PARD3: variants seen among roughly 807,000 people sequenced by gnomAD.
PARD3 encodes the protein par-3 family cell polarity regulator.
In PARD3, 75 loss-of-function variants were observed where a neutral mutation model predicts 155.4. That is an observed-to-expected ratio of 0.48 (90% CI 0.40 to 0.58). The LOEUF (loss-of-function observed/expected upper bound fraction) is 0.58, where lower values mean the gene tolerates loss of function less well. Among genes scored for constraint, PARD3 ranks in the 20% least tolerant of loss-of-function variants. The pLI is 0.00. For missense variants in PARD3, 1,642 were observed against 1,721.7 expected, an observed-to-expected ratio of 0.95 and a Z score of 0.82; for synonymous variants, 576 against 610.5, an observed-to-expected ratio of 0.94 and a Z score of 0.83.
chr10:34,464,066 C>G (rs903179979), intron 4 of PARD3, among the ~76,000 whole-genome samples: 8 of 151,676 alleles, frequency 5.3e-5, no homozygotes, highest in African/African-American at 1.9e-4. Flanking sequence ...CCTATTTGCT[C>G]TCCCTTAAAA....
At chr10:34,753,951 TATG>T (rs1279499463) in intron 1 of PARD3, among the ~76,000 whole-genome samples, 2 of 152,140 alleles carry the variant, frequency 1.3e-5, no homozygotes, top group Non-Finnish European at 2.9e-5. Context: ...AAGTGTTTTT[TATG>T]ATAACGTAGA....
intron 4 of PARD3, among the ~76,000 whole-genome samples, chr10:34,462,772 GA>G (rs2077732931): frequency 2.6e-5 from 4 of 151,570 alleles, no homozygotes; most frequent in Non-Finnish European, 5.9e-5. Flanking sequence ...CCATAAAGTT[GA>G]AACTGCAGTA....
intron 22 of PARD3, among the ~76,000 whole-genome samples, chr10:34,218,413 G>T (rs954148277): frequency 6.6e-6 from 1 of 152,130 alleles, no homozygotes; most frequent in African/African-American, 2.4e-5. Flanking sequence ...TGATCACCCT[G>T]AAGATGTGAG....
At chr10:34,426,501 T>C (rs1423211017) in intron 5 of PARD3, among the ~76,000 whole-genome samples, 2 of 152,210 alleles carry the variant, frequency 1.3e-5, no homozygotes, top group African/African-American at 4.8e-5. Context: ...TACAGTGCTA[T>C]AGAATCCACT....
intron 2 of PARD3, among the ~76,000 whole-genome samples, chr10:34,554,288 T>C (rs181268704): frequency 1.3e-5 from 2 of 152,306 alleles, no homozygotes; most frequent in East Asian, 3.9e-4. Flanking sequence ...TAAATGCCAA[T>C]TATTATTTAC....
chr10:34,245,281 C>T (rs553120191), intron 22 of PARD3, among the ~76,000 whole-genome samples: 3 of 152,130 alleles, frequency 2.0e-5, no homozygotes, highest in Non-Finnish European at 4.4e-5. Flanking sequence ...GCATACGTAA[C>T]GGGGGTAGGA....
intron 22 of PARD3, among the ~76,000 whole-genome samples, chr10:34,194,800 A>C (rs1471939188): frequency 6.6e-6 from 1 of 152,196 alleles, no homozygotes; most frequent in African/African-American, 2.4e-5. Flanking sequence ...ATAGTTAAAT[A>C]CTTAACAGTT....
At chr10:34,686,881 T>TC (rs1354423090) in intron 2 of PARD3, among the ~76,000 whole-genome samples, 1 of 151,876 alleles carries the variant, frequency 6.6e-6, no homozygotes, top group Non-Finnish European at 1.5e-5. Context: ...AAACCCTGTC[T>TC]CTACTAAAAA....
At chr10:34,517,719 C>T (rs1387182492) in intron 2 of PARD3, among the ~76,000 whole-genome samples, 1 of 151,928 alleles carries the variant, frequency 6.6e-6, no homozygotes, top group Non-Finnish European at 1.5e-5. Context: ...CACAAACACA[C>T]ACACACCAAG....
At chr10:34,431,817 A>G (rs2075926401) in intron 5 of PARD3, among the ~76,000 whole-genome samples, 1 of 145,490 alleles carries the variant, frequency 6.9e-6, no homozygotes, top group African/African-American at 2.5e-5. Context: ...TGGGAGGCCG[A>G]GGCGGGTGGA....
intron 22 of PARD3, among the ~76,000 whole-genome samples, chr10:34,257,189 C>T (rs977788451): frequency 5.3e-5 from 8 of 152,230 alleles, no homozygotes; most frequent in East Asian, 1.9e-4. Context: ...AACTGGATTG[C>T]GGATTTAGGG....
intron 15 of PARD3, chr10:34,344,746 A>G: frequency 1.0e-6 from 1 of 985,432 alleles, no homozygotes. Context: ...TTCTGTCAAA[A>G]GAGATGACAG....
intron 19 of PARD3, among the ~76,000 whole-genome samples, chr10:34,326,609 G>T (rs749499414): frequency 1.3e-5 from 2 of 152,178 alleles, no homozygotes; most frequent in African/African-American, 4.8e-5. Context: ...AAGGTGGCTA[G>T]AAGTGGGTAG....
At chr10:34,280,922 T>C (rs1195559283) in intron 21 of PARD3, among the ~76,000 whole-genome samples, 2 of 152,190 alleles carry the variant, frequency 1.3e-5, no homozygotes, top group Non-Finnish European at 2.9e-5. Context: ...ATATACTGGT[T>C]TAAACAAGTG....
Sources: allele counts gnomAD v4.1 joint callset (sites outside exome capture counted in the v4.1 genomes callset), GRCh38; gene constraint gnomAD v4.1.1; transcripts MANE v1.5; gene names NCBI Gene and HGNC (gene_info 2026-07-23, HGNC 2026-07-21).